AGMO: variants seen among roughly 807,000 people sequenced by gnomAD.
AGMO encodes glyceryl-ether monooxygenase.
A neutral mutation model predicts 60.2 loss-of-function variants in AGMO; 75 were observed. That is an observed-to-expected ratio of 1.25 (90% CI 1.03 to 1.51). The LOEUF is 1.51. Among genes scored for constraint, AGMO ranks in the 40% most tolerant of loss-of-function variants. AGMO has a pLI of 0.00. For missense variants in AGMO, 763 were observed against 525.5 expected, an observed-to-expected ratio of 1.45 and a Z score of -4.42; for synonymous variants, 261 against 177.1, an observed-to-expected ratio of 1.47 and a Z score of -3.76.
chr7:15,490,081 G>A (rs575270456), intron 3 of AGMO, among the ~76,000 whole-genome samples: 1 of 152,220 alleles, frequency 6.6e-6, no homozygotes, highest in South Asian at 2.1e-4. Flanking sequence ...CAAAATCTTG[G>A]TTCTTACTTT....
At chr7:15,394,473 G>A (rs1021585771) in intron 5 of AGMO, among the ~76,000 whole-genome samples, 2 of 152,114 alleles carry the variant, frequency 1.3e-5, no homozygotes, top group Non-Finnish European at 2.9e-5. Flanking sequence ...CTGGGGAAAC[G>A]ACTAGGTTTT....
intron 3 of AGMO, among the ~76,000 whole-genome samples, chr7:15,456,640 G>T (rs1179914761): frequency 1.3e-5 from 2 of 152,034 alleles, no homozygotes; most frequent in Non-Finnish European, 2.9e-5. Flanking sequence ...GACAATCTGG[G>T]GATCACTACT....
rs917375519 is a variant in AGMO, at chr7:15,544,792, C to A, written c.389G>T (p.Trp130Leu). Residue 130 changes from tryptophan (W) to leucine (L), a missense_variant, in exon 3 of 13, where the codon TGG becomes TTG. Coordinates refer to ENST00000342526, the MANE Select transcript of AGMO (RefSeq NM_001004320.2). ...CTTACCATGAGCCATACGATGGAAC[C>A]AGTAGTAGCCAAAGTCAACTCCTAA... The part of the protein sequence containing the change: ...AFLGVDFGYY[W>L]FHRMAHEVNI... The A allele has an allele frequency of 6.2e-7, 1 of 1,602,252 alleles. No individual in the cohort carries two copies. The highest frequency in any genetic ancestry group is 8.5e-7 in the Non-Finnish European group (1 of 1,174,768).
chr7:15,506,994 A>T (rs1783527206), intron 3 of AGMO, among the ~76,000 whole-genome samples: 1 of 152,088 alleles, frequency 6.6e-6, no homozygotes, highest in Non-Finnish European at 1.5e-5. Flanking sequence ...TCATTTAAAA[A>T]GAAAAGGAAA....
intron 3 of AGMO, among the ~76,000 whole-genome samples, chr7:15,478,574 G>A (rs1782658900): frequency 6.6e-6 from 1 of 152,114 alleles, no homozygotes; most frequent in Non-Finnish European, 1.5e-5. Context: ...ACAGACATCA[G>A]ATCTTGTCAT....
At chr7:15,347,354 C>T (rs1408254871) in intron 12 of AGMO, among the ~76,000 whole-genome samples, 1 of 151,918 alleles carries the variant, frequency 6.6e-6, no homozygotes, top group Non-Finnish European at 1.5e-5. Context: ...TAGGTTTCTC[C>T]CACTTATAAA....
At chr7:15,153,903 G>C in the AGMO span, among the ~76,000 whole-genome samples, 1 of 151,900 alleles carries the variant, frequency 6.6e-6, no homozygotes, top group Non-Finnish European at 1.5e-5. Context: ...GGTGGTATTT[G>C]ATGGACACTG....
chr7:15,317,828 G>A (rs905322026), intron 12 of AGMO, among the ~76,000 whole-genome samples: 1 of 144,180 alleles, frequency 6.9e-6, no homozygotes, highest in Non-Finnish European at 1.5e-5. Flanking sequence ...ATATTGAAAG[G>A]TTTATATTTT....
chr7:15,303,195 A>G (rs1780501948), intron 12 of AGMO, among the ~76,000 whole-genome samples: 2 of 152,180 alleles, frequency 1.3e-5, no homozygotes, highest in Admixed American at 1.3e-4. Context: ...ATGTATCTTA[A>G]TAGTGACTTT....
At chr7:15,337,634 T>C (rs1436071983) in intron 12 of AGMO, among the ~76,000 whole-genome samples, 1 of 152,150 alleles carries the variant, frequency 6.6e-6, no homozygotes, top group Non-Finnish European at 1.5e-5. Context: ...GAGGGCCAAC[T>C]GCAACCCACC....
At chr7:15,448,154 T>A (rs1781754282) in intron 3 of AGMO, among the ~76,000 whole-genome samples, 1 of 152,182 alleles carries the variant, frequency 6.6e-6, no homozygotes, top group South Asian at 2.1e-4. Context: ...ATGGGCTGAA[T>A]GTTTGTGTCC....
At chr7:15,254,454 T>C (rs557347902) in intron 12 of AGMO, among the ~76,000 whole-genome samples, 121 of 152,272 alleles carry the variant, frequency 7.9e-4, no homozygotes, top group Non-Finnish European at 1.3e-3. Flanking sequence ...TGATATCTGA[T>C]TGTGGTTTTG....
the AGMO span, among the ~76,000 whole-genome samples, chr7:15,174,579 G>A: frequency 5.3e-5 from 8 of 152,054 alleles, no homozygotes; most frequent in Non-Finnish European, 2.9e-5. Context: ...AGATAGGAGC[G>A]TTTCCTCAGA....
At chr7:15,276,577 A>G (rs1783795248) in intron 12 of AGMO, among the ~76,000 whole-genome samples, 1 of 152,148 alleles carries the variant, frequency 6.6e-6, no homozygotes, top group African/African-American at 2.4e-5. Flanking sequence ...CTGGATGTCT[A>G]CATCTCTAGC....
intron 3 of AGMO, among the ~76,000 whole-genome samples, chr7:15,444,032 A>G (rs545982558): frequency 5.8e-4 from 88 of 152,336 alleles, no homozygotes; most frequent in Admixed American, 5.0e-3. Context: ...TATTAACATT[A>G]CTAATACTCT....
chr7:15,146,901 G>A, the AGMO span, among the ~76,000 whole-genome samples: 1 of 152,096 alleles, frequency 6.6e-6, no homozygotes, highest in Non-Finnish European at 1.5e-5. Flanking sequence ...TTTAAACAGT[G>A]TTTACAGTAA....
chr7:15,439,060 T>C (rs1253190603), intron 3 of AGMO, among the ~76,000 whole-genome samples: 2 of 152,190 alleles, frequency 1.3e-5, no homozygotes, highest in Non-Finnish European at 2.9e-5. Flanking sequence ...CATTTTCTTA[T>C]CATCAACCTT....
rs571365336 is a variant in AGMO, at chr7:15,383,121, A to C, written c.1074+2325T>G. On this transcript the variant is annotated intron_variant, in intron 10 of 12. Transcript: ENST00000342526. ...ACCACATACATAGATTCGTTCAGTG[A>C]TGTACAGATAAACTAAGCCACAACA... 1.7e-4 allele frequency among the ~76,000 whole-genome samples: 26 copies of C among 152,092 alleles called. No individual in the cohort carries two copies. The South Asian group carries it at 3.1e-3, about 18-fold the overall frequency.
At chr7:15,125,166 T>C in the AGMO span, among the ~76,000 whole-genome samples, 1 of 152,274 alleles carries the variant, frequency 6.6e-6, no homozygotes, top group African/African-American at 2.4e-5. Flanking sequence ...TTATAACCCA[T>C]GCAAACAGTA....
Sources: allele counts gnomAD v4.1 joint callset (sites outside exome capture counted in the v4.1 genomes callset), GRCh38; gene constraint gnomAD v4.1.1; transcripts MANE v1.5; gene names NCBI Gene and HGNC (gene_info 2026-07-23, HGNC 2026-07-21).